CSMD2: variants seen among roughly 807,000 people sequenced by gnomAD.
CSMD2 encodes the protein CUB and Sushi multiple domains 2.
A neutral mutation model predicts 398.5 loss-of-function variants in CSMD2; 130 were observed. That is an observed-to-expected ratio of 0.33 (90% CI 0.28 to 0.38). CSMD2 has a LOEUF of 0.38. CSMD2 is among the 10% of genes least tolerant of loss of function. The probability of loss-of-function intolerance (pLI) is 1.00; values close to 1 mark genes in which losing one functional copy is unlikely to be tolerated. For synonymous variants in CSMD2, 1,828 were observed against 1,908.5 expected (o/e 0.96, Z 1.10); for missense variants, 3,829 against 4,764.9 (o/e 0.80, Z 5.78).
At chr1:34,025,158 C>G (rs1649470471) in intron 3 of CSMD2, among the ~76,000 whole-genome samples, 1 of 152,230 alleles carries the variant, frequency 6.6e-6, no homozygotes. Context: ...ATCTGTCCAT[C>G]CCTCACAGAT....
chr1:33,883,517 T>C (rs543604807), intron 5 of CSMD2, among the ~76,000 whole-genome samples: 5 of 152,310 alleles, frequency 3.3e-5, no homozygotes, highest in Admixed American at 6.5e-5. Context: ...TGACTAGTTG[T>C]ATCGAGATAG....
rs79121051 is a variant in CSMD2 at position 33,665,462 on chromosome 1, T to C, written c.4053-2370A>G. Among the ~76,000 whole-genome samples the C allele has an allele frequency of 3.9e-4, 48 of 124,484 alleles. 2 individuals are homozygous for C. Among genetic ancestry groups the C allele is most frequent in the African/African-American group, 6.8e-4 (22 of 32,150 alleles). The allele number at this position is 124,484 out of a possible 152,430, so 81.7% of individuals were successfully genotyped here. On this transcript the variant is annotated intron_variant, in intron 25 of 70. Coordinates refer to ENST00000373381, the MANE Select transcript of CSMD2 (RefSeq NM_001281956.2). Reference sequence around the variant, plus strand: ...CTTGTATAGTTTCTTTCTTCTCTCTTTTTTTTTTTTTTTTTTTTTTTTTTG... The same window carrying C: ...CTTGTATAGTTTCTTTCTTCTCTCTCTTTTTTTTTTTTTTTTTTTTTTTTG...
Position 33,624,524 on chromosome 1 carries a change from T to C in CSMD2, c.5620A>G (p.Ile1874Val). The C allele has an allele frequency of 6.2e-7, 1 of 1,613,834 alleles. No individual in the cohort carries two copies. The highest frequency in any genetic ancestry group is 8.5e-7 in the Non-Finnish European group (1 of 1,179,878). Residue 1874 changes from isoleucine to valine, a missense_variant, in exon 35 of 71, where the codon ATC becomes GTC. Physicochemically the swap from Ile to Val is conservative, Grantham distance 29. This residue lies in a region of CSMD2 where 2,001 missense variants were observed against 2,567.1 expected (regional missense o/e 0.78). Coordinates refer to ENST00000373381, the MANE Select transcript of CSMD2 (RefSeq NM_001281956.2). The surrounding 1 kb of genome is among the most constrained non-coding windows in gnomAD (Gnocchi z 4.7). ...AGGCGCCCCCTTGCCCCTACCTGGA[T>C]GCCAGCGCCTTCGGGGACCACGATC... ...WKIVVPEGAGIQIQVVSFVTE... is the reference protein window; with the variant it reads ...WKIVVPEGAGVQIQVVSFVTE...
chr1:33,829,839 G>GCA (rs200848724), intron 6 of CSMD2, among the ~76,000 whole-genome samples: 72,605 of 151,902 alleles, frequency 0.48, 17,545 homozygotes, highest in East Asian at 0.65. Flanking sequence ...TTAGGAAATG[G>GCA]CACACCAGGA....
chr1:33,646,286 C>T (rs949684995), intron 29 of CSMD2, among the ~76,000 whole-genome samples: 1 of 152,210 alleles, frequency 6.6e-6, no homozygotes, highest in African/African-American at 2.4e-5. Flanking sequence ...GATTGTGCCT[C>T]ATATCAGAAT....
chr1:33,781,199 C>A (rs1557882648), intron 12 of CSMD2, among the ~76,000 whole-genome samples: 1 of 152,220 alleles, frequency 6.6e-6, no homozygotes, highest in Non-Finnish European at 1.5e-5. Context: ...TCAATCTTAT[C>A]TGCATGTCAG....
At chr1:33,529,431 G>C (rs1437206565) in intron 64 of CSMD2, among the ~76,000 whole-genome samples, 3 of 152,204 alleles carry the variant, frequency 2.0e-5, no homozygotes, top group Admixed American at 6.5e-5. Flanking sequence ...ATGGCATAAA[G>C]AGAGTCATAG....
rs768925616 is a variant in CSMD2, at chr1:33,519,638, G to A, written c.10776C>T (p.His3592=). The change falls in exon 70 of 71, where the codon CAC becomes CAT. Residue 3592 remains histidine, a synonymous_variant. Transcript: ENST00000373381. The surrounding 1 kb of genome is among the most constrained non-coding windows in gnomAD (Gnocchi z 5.6). ...ATGTGGCCCGAACATTGGTGTTCTCGTGGCCAGCATAGCCATTGAAAGGAA... is the reference window on the plus strand; with the variant it reads ...ATGTGGCCCGAACATTGGTGTTCTCATGGCCAGCATAGCCATTGAAAGGAA... ...PKVPFNGYAG[H]ENTNVRATFE... is the part of the protein sequence containing the mutation. 1.1e-5 allele frequency: 17 copies of A among 1,613,888 alleles called. No homozygotes were observed. In the South Asian group the frequency reaches 1.1e-4, roughly 10 times the overall value.
At chr1:33,846,732 A>T (rs1638271583) in intron 6 of CSMD2, 152 bp downstream of exon 6, 1 of 445,534 alleles carries the variant, frequency 2.2e-6, no homozygotes, top group Non-Finnish European at 4.0e-6. Context: ...CAGAGATGCA[A>T]ATCTGCAGAC....
Position 33,790,677 on chromosome 1 carries a change from A to G in CSMD2, c.1550+1746T>C, listed in dbSNP as rs958615187. On this transcript the variant is annotated intron_variant, in intron 11 of 70. Transcript: ENST00000373381. Reference sequence around the variant, plus strand: ...TGTTTGTCTGTCTATCTATCTATCTATCTATCTATCTATCTATCTATCTAT... The same window carrying G: ...TGTTTGTCTGTCTATCTATCTATCTGTCTATCTATCTATCTATCTATCTAT... Among the ~76,000 whole-genome samples the G allele has an allele frequency of 1.6e-4, 23 of 146,142 alleles. 1 individual carries two copies. Among genetic ancestry groups the G allele is most frequent in the Admixed American group, 2.0e-4 (3 of 14,878 alleles).
chr1:33,872,403 TG>T (rs1272819093), intron 5 of CSMD2, among the ~76,000 whole-genome samples: 1 of 152,178 alleles, frequency 6.6e-6, no homozygotes, highest in Non-Finnish European at 1.5e-5. Flanking sequence ...TGGGTGTGAC[TG>T]TGGGCCTTTG....
At chr1:33,663,497 A>G (rs1644209654) in intron 25 of CSMD2, among the ~76,000 whole-genome samples, 1 of 152,056 alleles carries the variant, frequency 6.6e-6, no homozygotes, top group Admixed American at 6.5e-5. Context: ...ATAGGTAAAA[A>G]AAAAAAAATA....
At chr1:33,620,757 C>G (rs1641714145) in intron 37 of CSMD2, among the ~76,000 whole-genome samples, 2 of 151,318 alleles carry the variant, frequency 1.3e-5, no homozygotes. Context: ...TCTCAGAGGT[C>G]CCTGTCCTAC....
chr1:34,028,192 G>T (rs897210295), intron 3 of CSMD2, among the ~76,000 whole-genome samples: 1 of 152,006 alleles, frequency 6.6e-6, no homozygotes, highest in South Asian at 2.1e-4. Flanking sequence ...GTGGTGGCGC[G>T]TGTCTGCGGT....
chr1:33,901,627 G>A (rs1289449249), intron 5 of CSMD2, among the ~76,000 whole-genome samples: 1 of 152,236 alleles, frequency 6.6e-6, no homozygotes, highest in East Asian at 1.9e-4. Flanking sequence ...GGTAGACAAG[G>A]AGGTGAGACT....
intron 66 of CSMD2, among the ~76,000 whole-genome samples, chr1:33,524,037 G>T (rs1654551718): frequency 6.6e-6 from 1 of 152,150 alleles, no homozygotes; most frequent in African/African-American, 2.4e-5. Flanking sequence ...AAGAAAAAAT[G>T]ATCTCTCCTG....
chr1:33,745,193 C>A (rs977315745), intron 13 of CSMD2, among the ~76,000 whole-genome samples: 35 of 152,238 alleles, frequency 2.3e-4, no homozygotes, highest in African/African-American at 7.2e-4. Context: ...AAATTATATG[C>A]ATGCTTTTGA....
intron 3 of CSMD2, among the ~76,000 whole-genome samples, chr1:34,019,075 T>A (rs1298802818): frequency 6.6e-6 from 1 of 152,220 alleles, no homozygotes. Flanking sequence ...TTTCAGTGCC[T>A]CATCTGTAAA....
At chr1:33,673,826 A>G (rs1290077391) in intron 25 of CSMD2, among the ~76,000 whole-genome samples, 1 of 152,248 alleles carries the variant, frequency 6.6e-6, no homozygotes, top group East Asian at 1.9e-4. Flanking sequence ...TAAAGAAAAG[A>G]ATTTTCAACC....
Sources: gnomAD v4.1 joint callset for allele counts (sites outside exome capture counted in the v4.1 genomes callset) on GRCh38, gnomAD v4.1.1 for gene constraint, gnomAD v4.1.1 regional missense constraint, Gnocchi (gnomAD v3.1) non-coding constraint, MANE v1.5 for transcripts, NCBI Gene and HGNC (gene_info 2026-07-23, HGNC 2026-07-21) for gene names.